The following PLA2R1 variants were observed in gnomAD, a reference collection of about 807,000 sequenced individuals.
PLA2R1 encodes secretory phospholipase A2 receptor.
Under a neutral mutation model 195.9 loss-of-function variants are expected in PLA2R1, and 158 were observed. The ratio of observed to expected loss-of-function variants is 0.81; its 90% CI spans 0.71 to 0.92. PLA2R1 has a LOEUF of 0.92. Ranked by LOEUF, PLA2R1 falls within the 40% of genes least tolerant of loss-of-function variation. The pLI, the probability that PLA2R1 is intolerant of heterozygous loss-of-function variation, is 0.00. For synonymous variants in PLA2R1, 586 were observed against 598.2 expected (o/e 0.98, Z 0.30); for missense variants, 1,626 against 1,764.6 (o/e 0.92, Z 1.41).
intron 9 of PLA2R1, among the ~76,000 whole-genome samples, chr2:160,014,990 AAAAC>A (rs1299976372): frequency 1.3e-5 from 2 of 152,240 alleles, no homozygotes; most frequent in Non-Finnish European, 2.9e-5. Context: ...GCTGCTTAGC[AAAAC>A]AAACAAACAA....
At chr2:160,004,198 T>A (rs1691808546) in intron 11 of PLA2R1, among the ~76,000 whole-genome samples, 3 of 152,200 alleles carry the variant, frequency 2.0e-5, no homozygotes, top group Admixed American at 6.5e-5. Flanking sequence ...TAATTTACCA[T>A]CCAAGCCAGA....
downstream of PLA2R1, among the ~76,000 whole-genome samples, chr2:159,931,254 G>T (rs1169703860): frequency 6.6e-6 from 1 of 152,176 alleles, no homozygotes; most frequent in African/African-American, 2.4e-5. Flanking sequence ...ATAGGGCCAG[G>T]TGCAATGGTT....
chr2:160,050,748 T>C (rs573752190), intron 1 of PLA2R1, among the ~76,000 whole-genome samples: 2 of 152,318 alleles, frequency 1.3e-5, no homozygotes, highest in East Asian at 3.9e-4. Flanking sequence ...AATTATACCC[T>C]AATGCCAAAA....
downstream of PLA2R1, among the ~76,000 whole-genome samples, chr2:159,930,210 C>T (rs997063490): frequency 1.3e-5 from 2 of 152,124 alleles, no homozygotes; most frequent in African/African-American, 4.8e-5. Context: ...AGATCGAGGC[C>T]ATCCTGGCTA....
At chr2:159,945,695 G>T (rs970650517) in intron 27 of PLA2R1, 3 of 543,876 alleles carry the variant, frequency 5.5e-6, no homozygotes, top group Non-Finnish European at 7.0e-6. Flanking sequence ...ATGATTTATA[G>T]TCCTTTGGGT....
intron 11 of PLA2R1, among the ~76,000 whole-genome samples, chr2:159,998,326 C>T (rs941329563): frequency 6.6e-6 from 1 of 152,124 alleles, no homozygotes; most frequent in East Asian, 1.9e-4. Context: ...CACAACAATC[C>T]TGTGAGGTAG....
chr2:160,006,292 C>T (rs1300343814), intron 10 of PLA2R1, among the ~76,000 whole-genome samples: 1 of 152,178 alleles, frequency 6.6e-6, no homozygotes, highest in African/African-American at 2.4e-5. Flanking sequence ...ACCCACCTAC[C>T]TCACTTGCCT....
At chr2:159,978,386 T>A (rs1360765918) in intron 14 of PLA2R1, among the ~76,000 whole-genome samples, 1 of 152,206 alleles carries the variant, frequency 6.6e-6, no homozygotes, top group South Asian at 2.1e-4. Context: ...TCCTCAAACA[T>A]GTACACTGTC....
At chr2:160,049,607 C>T (rs1420108064) in intron 1 of PLA2R1, among the ~76,000 whole-genome samples, 3 of 152,146 alleles carry the variant, frequency 2.0e-5, no homozygotes, top group Non-Finnish European at 4.4e-5. Flanking sequence ...GTGGCTCACA[C>T]CTGTAATCCC....
intron 17 of PLA2R1, among the ~76,000 whole-genome samples, chr2:159,973,613 C>T (rs1414411204): frequency 6.6e-6 from 1 of 152,130 alleles, no homozygotes; most frequent in Non-Finnish European, 1.5e-5. Context: ...ATGCCTAGAT[C>T]TTGAGTTTCC....
chr2:159,935,602 A>G lies in PLA2R1; in HGVS notation c.*6176T>C, dbSNP rs7570904. 0.87 allele frequency: 132,199 copies of G among 152,212 alleles called. 59,119 individuals are homozygous for G. Among genetic ancestry groups the G allele is most frequent in the East Asian group, 1 (5,188 of 5,188 alleles). The allele number at this position is 152,212 out of a possible 1,614,324, so 9.4% of individuals were successfully genotyped here. On this transcript the variant is annotated 3_prime_UTR_variant, in exon 30 of 30. Transcript: ENST00000283243. ...CTTCAGGTTGGTTCCTGTAGCCTTC[A>G]GACATGTGCCATCTTTTTGTGAGCA...
intron 11 of PLA2R1, among the ~76,000 whole-genome samples, chr2:160,004,118 G>A (rs895637896): frequency 1.3e-5 from 2 of 152,198 alleles, no homozygotes; most frequent in Admixed American, 1.3e-4. Context: ...TTGGGAAGGT[G>A]AAGAGAAAGA....
At chr2:160,040,152 C>T (rs1694435035) in intron 3 of PLA2R1, among the ~76,000 whole-genome samples, 1 of 151,978 alleles carries the variant, frequency 6.6e-6, no homozygotes, top group Non-Finnish European at 1.5e-5. Flanking sequence ...CACATGCATA[C>T]ACACCTACAT....
At chr2:159,949,178 C>T (rs12469564) in intron 25 of PLA2R1, among the ~76,000 whole-genome samples, 31,657 of 152,052 alleles carry the variant, frequency 0.21, 3,835 homozygotes, top group Admixed American at 0.36. Context: ...ATTTCCCACC[C>T]CTCCCTTACG....
intron 10 of PLA2R1, among the ~76,000 whole-genome samples, chr2:160,007,528 A>G (rs1377339658): frequency 6.6e-6 from 1 of 152,256 alleles, no homozygotes; most frequent in African/African-American, 2.4e-5. Flanking sequence ...GAGCACACCG[A>G]CAGGCACTGG....
intron 1 of PLA2R1, among the ~76,000 whole-genome samples, chr2:160,061,982 C>T (rs1201665347): frequency 1.3e-5 from 2 of 152,104 alleles, no homozygotes; most frequent in African/African-American, 4.8e-5. Context: ...ACACTCCTAT[C>T]CCGGGCTGGC....
rs1686998656 is a variant in PLA2R1, at chr2:159,939,526, A to G, written c.*2252T>C. 6.7e-6 allele frequency: 1 copy of G among 150,174 alleles called. No individual in the cohort carries two copies. The highest frequency in any genetic ancestry group is 1.5e-5 in the Non-Finnish European group (1 of 67,464). 9.3% of individuals were successfully genotyped at this position (150,174 alleles called of 1,614,324 possible). On this transcript the variant is annotated 3_prime_UTR_variant, in exon 30 of 30. Coordinates refer to ENST00000283243, the MANE Select transcript of PLA2R1 (RefSeq NM_007366.5). ...TCTCCAAAAAAAAAAAAAAAAAATG[A>G]AAAAAAGTTTCAAAAAAAATGCAAA...
At chr2:160,035,948 G>A (rs776473704) in intron 3 of PLA2R1, among the ~76,000 whole-genome samples, 2 of 152,092 alleles carry the variant, frequency 1.3e-5, no homozygotes, top group African/African-American at 4.8e-5. Context: ...TTCCCTCTCC[G>A]TGCTGATTTA....
chr2:160,041,325 A>G (rs1694506340), intron 3 of PLA2R1, among the ~76,000 whole-genome samples: 1 of 152,252 alleles, frequency 6.6e-6, no homozygotes, highest in Admixed American at 6.5e-5. Flanking sequence ...GGAGGCATAT[A>G]TAAACATTCT....
Sources: gnomAD v4.1 joint callset for allele counts (sites outside exome capture counted in the v4.1 genomes callset) on GRCh38, gnomAD v4.1.1 for gene constraint, MANE v1.5 for transcripts, NCBI Gene and HGNC (gene_info 2026-07-23, HGNC 2026-07-21) for gene names.